The following TRPM3 variants were observed in gnomAD, a reference collection of about 807,000 sequenced individuals.
TRPM3 encodes the protein long transient receptor potential channel 3.
A neutral mutation model predicts 181.2 loss-of-function variants in TRPM3; 77 were observed. That is an observed-to-expected ratio of 0.42 (90% CI 0.35 to 0.51). The LOEUF is 0.51. TRPM3 is among the 20% of genes least tolerant of loss of function. TRPM3 has a pLI of 0.01. For missense variants in TRPM3, 1,759 were observed against 2,196.7 expected, an observed-to-expected ratio of 0.80 and a Z score of 3.98; for synonymous variants, 745 against 796.4, an observed-to-expected ratio of 0.94 and a Z score of 1.09.
intron 14 of TRPM3, among the ~76,000 whole-genome samples, chr9:70,623,028 C>T (rs1032090312): frequency 7.9e-5 from 12 of 151,870 alleles, no homozygotes; most frequent in Non-Finnish European, 7.4e-5. Flanking sequence ...TTTACTAGTT[C>T]CACAAAATGC....
intron 1 of TRPM3, among the ~76,000 whole-genome samples, chr9:70,934,751 G>C (rs1465155321): frequency 6.6e-6 from 1 of 152,032 alleles, no homozygotes; most frequent in African/African-American, 2.4e-5. Context: ...CTTTGTTTCT[G>C]TTGTCCATGT....
chr9:70,551,321 T>G (rs2131839921), intron 24 of TRPM3, among the ~76,000 whole-genome samples: 1 of 152,290 alleles, frequency 6.6e-6, no homozygotes, highest in East Asian at 1.9e-4. Context: ...CTTCACCCTT[T>G]TCCACCCAGC....
intron 1 of TRPM3, among the ~76,000 whole-genome samples, chr9:71,160,910 C>A (rs996169996): frequency 6.6e-6 from 1 of 152,062 alleles, no homozygotes; most frequent in African/African-American, 2.4e-5. Context: ...AAATATTAGA[C>A]CTAAGCAAGC....
At chr9:71,177,710 A>T (rs2077181548) in intron 1 of TRPM3, among the ~76,000 whole-genome samples, 1 of 151,864 alleles carries the variant, frequency 6.6e-6, no homozygotes, top group Non-Finnish European at 1.5e-5. Context: ...AATATACTCA[A>T]CCCAGGCCAC....
At chr9:71,340,306 G>A (rs1219113049) in intron 1 of TRPM3, among the ~76,000 whole-genome samples, 1 of 152,086 alleles carries the variant, frequency 6.6e-6, no homozygotes, top group African/African-American at 2.4e-5. Flanking sequence ...TGTTATATAT[G>A]CATATAGCTA....
chr9:71,304,562 G>A (rs534811480), intron 1 of TRPM3, among the ~76,000 whole-genome samples: 11 of 152,220 alleles, frequency 7.2e-5, no homozygotes, highest in East Asian at 3.9e-4. Context: ...GTCAAGTTCC[G>A]TTTTAAATTA....
intron 1 of TRPM3, among the ~76,000 whole-genome samples, chr9:71,410,313 G>T (rs1357714606): frequency 6.6e-6 from 1 of 151,286 alleles, no homozygotes; most frequent in African/African-American, 2.4e-5. Context: ...AAAAATCAAT[G>T]AATCCAGGAG....
intron 9 of TRPM3, among the ~76,000 whole-genome samples, chr9:70,665,959 A>C (rs2061783490): frequency 6.6e-6 from 1 of 152,226 alleles, no homozygotes; most frequent in African/African-American, 2.4e-5. Flanking sequence ...CACAGAGTTG[A>C]GAGTCATCTA....
intron 11 of TRPM3, among the ~76,000 whole-genome samples, chr9:70,638,852 C>T (rs1439415190): frequency 6.6e-6 from 1 of 152,008 alleles, no homozygotes; most frequent in African/African-American, 2.4e-5. Flanking sequence ...AACTTTTTGC[C>T]TTACATGCTG....
chr9:70,641,877 AGTCCCT>A (rs1000550534), intron 9 of TRPM3, among the ~76,000 whole-genome samples: 32 of 152,224 alleles, frequency 2.1e-4, no homozygotes, highest in African/African-American at 6.3e-4. Flanking sequence ...CCCAAGTGAG[AGTCCCT>A]GTGGCTCCTC....
intron 1 of TRPM3, among the ~76,000 whole-genome samples, chr9:71,006,781 G>A (rs2097678856): frequency 6.6e-6 from 1 of 150,616 alleles, no homozygotes; most frequent in Non-Finnish European, 1.5e-5. Flanking sequence ...TGAGGCAGGA[G>A]AATGGCGTGA....
chr9:71,082,166 A>G (rs2064469697), intron 1 of TRPM3, among the ~76,000 whole-genome samples: 2 of 152,206 alleles, frequency 1.3e-5, no homozygotes, highest in Non-Finnish European at 2.9e-5. Context: ...CCCAGCGCCA[A>G]TCTCAAATCT....
intron 8 of TRPM3, among the ~76,000 whole-genome samples, chr9:70,686,831 T>C (rs990327800): frequency 5.9e-5 from 6 of 101,678 alleles, no homozygotes; most frequent in African/African-American, 8.3e-5. Context: ...TTTTCTTTTT[T>C]TTTTTCTTTT....
At position 71,262,907 on chromosome 9, in the gene TRPM3, G is replaced by A. The variant is rs376261158; in HGVS notation, c.183+183746C>T. On this transcript the variant is annotated intron_variant, in intron 1 of 24. Transcript: ENST00000357533. ...TCAGTTGGAAATGCAGAAATCACCCGCCTTCTGCATTGGTCTCACTGGGAG... is the reference window on the plus strand; with the variant it reads ...TCAGTTGGAAATGCAGAAATCACCCACCTTCTGCATTGGTCTCACTGGGAG... Among the ~76,000 whole-genome samples, 9 of 152,248 alleles carry A rather than the reference G, an allele frequency of 5.9e-5. No homozygotes were observed. In the South Asian group the frequency reaches 6.2e-4, roughly 11 times the overall value.
At chr9:71,259,230 T>A (rs1246068177) in intron 1 of TRPM3, among the ~76,000 whole-genome samples, 1 of 152,246 alleles carries the variant, frequency 6.6e-6, no homozygotes, top group Non-Finnish European at 1.5e-5. Flanking sequence ...GAACTCATTC[T>A]TTTTTATGGC....
At chr9:70,659,304 G>A (rs560564687) in intron 9 of TRPM3, among the ~76,000 whole-genome samples, 22 of 152,026 alleles carry the variant, frequency 1.4e-4, no homozygotes, top group African/African-American at 3.9e-4. Flanking sequence ...GTTCCTGACC[G>A]GTGGTAAGTA....
At chr9:71,013,860 C>T (rs371284135) in intron 1 of TRPM3, among the ~76,000 whole-genome samples, 170 of 152,024 alleles carry the variant, frequency 1.1e-3, no homozygotes, top group African/African-American at 3.1e-3. Context: ...AATTGATGAC[C>T]TATATTTTTA....
intron 1 of TRPM3, among the ~76,000 whole-genome samples, chr9:71,305,153 T>C (rs1472261615): frequency 1.3e-5 from 2 of 152,200 alleles, no homozygotes; most frequent in Admixed American, 6.5e-5. Context: ...CTCTTCTCAT[T>C]ATACTTGCAA....
chr9:70,852,128 CAAAAAAAAAAA>C (rs35682319), intron 3 of TRPM3, among the ~76,000 whole-genome samples: 90 of 44,912 alleles, frequency 2.0e-3, no homozygotes, highest in Non-Finnish European at 2.7e-3. Flanking sequence ...ACTCTATCTC[CAAAAAAAAAAA>C]AAAAAAAAAA....
Sources: allele counts gnomAD v4.1 joint callset (sites outside exome capture counted in the v4.1 genomes callset), GRCh38; gene constraint gnomAD v4.1.1; transcripts MANE v1.5; gene names NCBI Gene and HGNC (gene_info 2026-07-23, HGNC 2026-07-21).